The following DPY19L2 variants were observed in gnomAD, a reference collection of about 807,000 sequenced individuals.
DPY19L2 encodes the protein probable C-mannosyltransferase DPY19L2.
Under a neutral mutation model 97.9 loss-of-function variants are expected in DPY19L2, and 34 were observed. The ratio of observed to expected loss-of-function variants is 0.35; its 90% confidence interval spans 0.26 to 0.46. The LOEUF (loss-of-function observed/expected upper bound fraction) is 0.46. Among genes scored for constraint, DPY19L2 ranks in the 20% least tolerant of loss-of-function variants. DPY19L2 has a pLI of 1.00. For synonymous variants in DPY19L2, 230 were observed against 307.9 expected, an observed-to-expected ratio of 0.75 and a Z score of 2.65; for missense variants, 623 against 911.4, an observed-to-expected ratio of 0.68 and a Z score of 4.07.
Position 63,616,583 on chromosome 12 carries a change from C to T in DPY19L2, c.1218+721G>A, listed in dbSNP as rs1441429374. 3.9e-5 allele frequency among the ~76,000 whole-genome samples: 6 copies of T among 152,168 alleles called. 1 individual carries two copies. The highest frequency in any genetic ancestry group is 1.4e-4 in the African/African-American group (6 of 41,526). On this transcript the variant is annotated intron_variant, in intron 11 of 21. Coordinates refer to ENST00000324472, the MANE Select transcript of DPY19L2 (RefSeq NM_173812.5). The stretch of plus-strand genomic sequence containing the variant: ...ATTCTAGGTTCTGGCTTATAGATAT[C>T]AGAAGTATAACTACAATGTAATAGA...
At chr12:63,570,007 G>C (rs951582707) in intron 20 of DPY19L2, among the ~76,000 whole-genome samples, 1 of 152,160 alleles carries the variant, frequency 6.6e-6, no homozygotes, top group Non-Finnish European at 1.5e-5. Flanking sequence ...CACCGCAGTA[G>C]AACAGAGAGA....
chr12:63,580,678 T>C lies in DPY19L2; in HGVS notation c.1884A>G (p.Lys628=). 2 of 1,612,704 alleles carry C rather than the reference T, an allele frequency of 1.2e-6. No individual in the cohort carries two copies. Among genetic ancestry groups the C allele is most frequent in the Non-Finnish European group, 1.7e-6 (2 of 1,179,354 alleles). The part of the protein sequence containing the change: ...LPQEELLQWI[K]YSTTSDAVFA... ...CCTACACACCTGATGTGGTACTGTA[T>C]TTGATCCACTGTAAAAGTTCTTCCT... is the stretch of plus-strand genomic sequence containing the variant. Residue 628 remains lysine, a synonymous_variant, in exon 19 of 22, where the codon AAA becomes AAG. Coordinates refer to ENST00000324472, the MANE Select transcript of DPY19L2 (RefSeq NM_173812.5).
intron 7 of DPY19L2, among the ~76,000 whole-genome samples, chr12:63,625,705 G>A (rs1157828922): frequency 6.6e-6 from 1 of 152,076 alleles, no homozygotes; most frequent in African/African-American, 2.4e-5. Context: ...AAAGAAGTGA[G>A]GGAGCAGGTG....
intron 15 of DPY19L2, among the ~76,000 whole-genome samples, chr12:63,595,236 A>G (rs904700647): frequency 3.3e-5 from 5 of 152,188 alleles, no homozygotes; most frequent in African/African-American, 9.7e-5. Context: ...CTGCATTATT[A>G]TTATCTGCTT....
intron 11 of DPY19L2, among the ~76,000 whole-genome samples, chr12:63,610,874 A>AAC (rs1565762376): frequency 2.1e-4 from 22 of 105,304 alleles, no homozygotes; most frequent in African/African-American, 3.8e-4. Flanking sequence ...AAAAAAAAAA[A>AAC]ACCACACACA....
At chr12:63,628,373 G>A (rs181289506) in intron 6 of DPY19L2, among the ~76,000 whole-genome samples, 4 of 152,116 alleles carry the variant, frequency 2.6e-5, no homozygotes, top group Admixed American at 2.6e-4. Context: ...TACCCTAACA[G>A]TGCGCTTTTC....
rs1358460607 is a variant in DPY19L2, at chr12:63,650,852, AT to A, written c.589-3488del. On this transcript the variant is annotated intron_variant, in intron 4 of 21. Coordinates refer to ENST00000324472, the MANE Select transcript of DPY19L2 (RefSeq NM_173812.5). ...TTAGAAAAACTATTCTAAAACTTAT[AT>A]GGATACTCCTTCAACATAAATAAGG... is the stretch of plus-strand genomic sequence containing the variant. Among the ~76,000 whole-genome samples the A allele has an allele frequency of 2.0e-5, 3 of 152,292 alleles. No individual in the cohort carries two copies. The East Asian group carries it at 5.8e-4, about 29-fold the overall frequency.
At chr12:63,656,828 T>C (rs1895033389) in intron 4 of DPY19L2, among the ~76,000 whole-genome samples, 1 of 152,202 alleles carries the variant, frequency 6.6e-6, no homozygotes, top group African/African-American at 2.4e-5. Flanking sequence ...TGAGCTCATG[T>C]AAGGCATTTT....
intron 12 of DPY19L2, among the ~76,000 whole-genome samples, chr12:63,601,142 T>G (rs1885126810): frequency 6.6e-6 from 1 of 152,058 alleles, no homozygotes; most frequent in Non-Finnish European, 1.5e-5. Flanking sequence ...GAAAAGGGAG[T>G]GTTTATGTGT....
intron 6 of DPY19L2, among the ~76,000 whole-genome samples, chr12:63,633,656 T>C (rs377369485): frequency 5.3e-5 from 8 of 152,142 alleles, no homozygotes; most frequent in Non-Finnish European, 1.0e-4. Context: ...GTCAGAGTGG[T>C]GATTCCTCAG....
Position 63,663,748 on chromosome 12 carries a change from G to C in DPY19L2, c.450+10C>G. 1.3e-6 allele frequency: 2 copies of C among 1,592,804 alleles called. No homozygotes were observed. Among genetic ancestry groups the C allele is most frequent in the East Asian group, 2.3e-5 (1 of 44,364 alleles). Reference sequence around the variant, plus strand: ...ACCACAAATTAATTCATTAGAAGAAGAAACCTAACCATTTCAGTGCGAAAA... The same window carrying C: ...ACCACAAATTAATTCATTAGAAGAACAAACCTAACCATTTCAGTGCGAAAA... On this transcript the variant is annotated intron_variant, in intron 3 of 21. Transcript: ENST00000324472.
intron 2 of DPY19L2, among the ~76,000 whole-genome samples, chr12:63,665,038 A>G (rs1896160514): frequency 7.3e-6 from 1 of 137,792 alleles, no homozygotes. Context: ...ATTTTTATAA[A>G]CACTTTTGTA....
chr12:63,634,178 C>A (rs982847479), intron 6 of DPY19L2, among the ~76,000 whole-genome samples: 3 of 152,004 alleles, frequency 2.0e-5, no homozygotes, highest in Non-Finnish European at 4.4e-5. Context: ...CTAACCTGCA[C>A]GTTGTGCACA....
At chr12:63,594,577 T>C (rs1883838529) in intron 15 of DPY19L2, among the ~76,000 whole-genome samples, 1 of 124,208 alleles carries the variant, frequency 8.1e-6, no homozygotes, top group African/African-American at 3.7e-5. Context: ...GTAGGGATGT[T>C]TGTATGTGTG....
intron 1 of DPY19L2, among the ~76,000 whole-genome samples, chr12:63,667,194 C>T (rs1896433300): frequency 6.6e-6 from 1 of 151,992 alleles, no homozygotes; most frequent in Non-Finnish European, 1.5e-5. Flanking sequence ...GTTTATTAGG[C>T]TTCATTAATT....
chr12:63,579,220 G>T (rs571554739), intron 19 of DPY19L2, among the ~76,000 whole-genome samples: 1 of 152,270 alleles, frequency 6.6e-6, no homozygotes, highest in South Asian at 2.1e-4. Context: ...GTATTCCCCT[G>T]ACCTGACAGA....
chr12:63,561,589 A>G (rs1876528587), intron 21 of DPY19L2, among the ~76,000 whole-genome samples: 1 of 151,754 alleles, frequency 6.6e-6, no homozygotes, highest in Non-Finnish European at 1.5e-5. Context: ...AGTTCCTACA[A>G]CTTCTGTTGT....
At chr12:63,660,086 A>C (rs1368410298) in intron 4 of DPY19L2, among the ~76,000 whole-genome samples, 3 of 152,156 alleles carry the variant, frequency 2.0e-5, no homozygotes, top group African/African-American at 7.2e-5. Flanking sequence ...CAGCAGTGTG[A>C]ACTGCTACAT....
intron 13 of DPY19L2, among the ~76,000 whole-genome samples, chr12:63,599,087 C>T (rs1269865903): frequency 6.6e-6 from 1 of 151,350 alleles, no homozygotes; most frequent in Non-Finnish European, 1.5e-5. Context: ...GCACGAGAAT[C>T]GCTTGAGCCC....
Sources: allele counts gnomAD v4.1 joint callset (sites outside exome capture counted in the v4.1 genomes callset), GRCh38; gene constraint gnomAD v4.1.1; transcripts MANE v1.5; gene names NCBI Gene and HGNC (gene_info 2026-07-23, HGNC 2026-07-21).